GALNT2: variants seen among roughly 807,000 people sequenced by gnomAD.
GALNT2 encodes the protein polypeptide N-acetylgalactosaminyltransferase 2, also known as UDP-GalNAc:polypeptide N-acetylgalactosaminyltransferase 2.
GALNT2 carries 31 observed loss-of-function variants against 81.4 expected under a neutral mutation model. The ratio of observed to expected loss-of-function variants is 0.38; its 90% CI spans 0.29 to 0.51. The LOEUF is 0.51. Among genes scored for constraint, GALNT2 ranks in the 20% least tolerant of loss-of-function variants. The pLI, the probability that GALNT2 is intolerant of heterozygous loss-of-function variation, is 0.87. For missense variants in GALNT2, 629 were observed against 765.7 expected, an observed-to-expected ratio of 0.82 and a Z score of 2.11; for synonymous variants, 303 against 287.4, an observed-to-expected ratio of 1.05 and a Z score of -0.55.
rs370275711 is a variant in GALNT2, at chr1:230,274,538, G to A, written c.1534G>A (p.Gly512Ser). ...ACCGGGCTCTCTTATAAAGCTGCAG[G>A]GCTGCCGAGAAAATGACAGCAGACA... ...RAPGSLIKLQ[G>S]CRENDSRQKW... Residue 512 changes from glycine (G) to serine (S), a missense_variant, in exon 15 of 16, where the codon GGC (glycine) becomes AGC (serine). This residue lies in a region of GALNT2 where 207 missense variants were observed against 225.5 expected (regional missense o/e 0.92). Coordinates refer to ENST00000366672, the MANE Select transcript of GALNT2 (RefSeq NM_004481.5). The A allele has an allele frequency of 1.2e-5, 20 of 1,613,868 alleles. No individual in the cohort carries two copies. Among genetic ancestry groups the A allele is most frequent in the Non-Finnish European group, 1.7e-5 (20 of 1,179,926 alleles).
intron 3 of GALNT2, among the ~76,000 whole-genome samples, chr1:230,225,682 G>GTTTTGTTTTTTGTT (rs1558148786): frequency 1.7e-4 from 24 of 137,612 alleles, no homozygotes; most frequent in African/African-American, 6.9e-4. Context: ...GAGTTTTTTT[G>GTTTTGTTTTTTGTT]TTTTTTTTTT....
rs117108438 is a variant in GALNT2 at position 230,161,479 on chromosome 1, A to G, written c.127-16739A>G. The stretch of plus-strand genomic sequence containing the variant: ...CTGTCTGTGCAGACGTGGCAAAGAA[A>G]TATGGCCACTTCCAATCCACTGCAG... On this transcript the variant is annotated intron_variant, in intron 1 of 15. Transcript: ENST00000366672. Among the ~76,000 whole-genome samples the G allele has an allele frequency of 6.6e-5, 10 of 152,360 alleles. No homozygotes were observed. In the East Asian group the frequency reaches 1.7e-3, roughly 26 times the overall value.
At chr1:230,181,645 C>T (rs1006334739) in intron 2 of GALNT2, among the ~76,000 whole-genome samples, 2 of 152,070 alleles carry the variant, frequency 1.3e-5, no homozygotes, top group African/African-American at 4.8e-5. Flanking sequence ...TGCCTCAGCC[C>T]TCCCAAAGCG....
At chr1:230,245,578 T>C (rs1238168115) in intron 7 of GALNT2, among the ~76,000 whole-genome samples, 2 of 152,208 alleles carry the variant, frequency 1.3e-5, no homozygotes, top group Non-Finnish European at 2.9e-5. Context: ...ATATTGATAC[T>C]TACCACATCT....
At chr1:230,246,184 G>C in intron 8 of GALNT2, 34 bp downstream of exon 8, 1 of 1,486,844 alleles carries the variant, frequency 6.7e-7, no homozygotes, top group East Asian at 2.3e-5. Context: ...TGCCTAGCTC[G>C]TCCCGTCTAC....
At chr1:230,222,798 G>A (rs1664589913) in intron 3 of GALNT2, among the ~76,000 whole-genome samples, 1 of 152,112 alleles carries the variant, frequency 6.6e-6, no homozygotes, top group African/African-American at 2.4e-5. Flanking sequence ...AATTCTCACA[G>A]CAACCCTATG....
At chr1:230,266,313 G>T (rs991561009) in intron 14 of GALNT2, among the ~76,000 whole-genome samples, 8 of 152,084 alleles carry the variant, frequency 5.3e-5, no homozygotes, top group African/African-American at 1.7e-4. Context: ...TCTAAAAACA[G>T]TTTTCCCATG....
chr1:230,106,281 C>G (rs1284579696), intron 1 of GALNT2, among the ~76,000 whole-genome samples: 4 of 152,140 alleles, frequency 2.6e-5, no homozygotes, highest in Non-Finnish European at 5.9e-5. Context: ...ATGCAATTGC[C>G]TAAAGATTTC....
intron 1 of GALNT2, among the ~76,000 whole-genome samples, chr1:230,123,728 A>G (rs763603707): frequency 2.9e-4 from 44 of 152,224 alleles, no homozygotes; most frequent in Admixed American, 2.2e-3. Context: ...AGAAGGCAAC[A>G]GGTGTACTTA....
chr1:230,178,208 G>A lies in GALNT2; in HGVS notation c.127-10G>A. The A allele has an allele frequency of 6.2e-7, 1 of 1,606,596 alleles. No individual in the cohort carries two copies. The highest frequency in any genetic ancestry group is 1.1e-5 in the South Asian group (1 of 90,832). On this transcript the variant is annotated splice_polypyrimidine_tract_variant and intron_variant, in intron 1 of 15. Transcript: ENST00000366672. ...ACAAGTCAACTCATTCAGTGTCTTTGTTCCCCTAGGAGGACTGGAATGAAA... is the reference window on the plus strand; with the variant it reads ...ACAAGTCAACTCATTCAGTGTCTTTATTCCCCTAGGAGGACTGGAATGAAA...
chr1:230,277,183 C>A (rs370177499), intron 15 of GALNT2, among the ~76,000 whole-genome samples: 1 of 152,058 alleles, frequency 6.6e-6, no homozygotes, highest in Non-Finnish European at 1.5e-5. Flanking sequence ...AGGTTTTAAA[C>A]CCCAAGACTC....
Position 230,279,270 on chromosome 1 carries a change from C to T in GALNT2, c.1561-33C>T. 1 of 1,595,314 alleles carries T rather than the reference C, an allele frequency of 6.3e-7. No individual in the cohort carries two copies. The highest frequency in any genetic ancestry group is 1.1e-5 in the South Asian group (1 of 89,338). ...TCTGTTTGTACTCCTTTGCTTGTGC[C>T]CACACTCTAAGGCACTCTCCTGTGT... On this transcript the variant is annotated intron_variant, in intron 15 of 15. Transcript: ENST00000366672. The surrounding 1 kb of genome is among the most constrained non-coding windows in gnomAD (Gnocchi z 4.6).
At chr1:230,073,018 G>A (rs946111501) in intron 1 of GALNT2, among the ~76,000 whole-genome samples, 1 of 152,170 alleles carries the variant, frequency 6.6e-6, no homozygotes, top group Admixed American at 6.5e-5. Context: ...TAATCTTGTG[G>A]CCTTGCCTCT....
intron 1 of GALNT2, among the ~76,000 whole-genome samples, chr1:230,132,539 G>C (rs1383837882): frequency 6.6e-6 from 1 of 152,188 alleles, no homozygotes. Flanking sequence ...AGGCCTTGCT[G>C]AGAATGTGAG....
chr1:230,092,578 A>G (rs1365841424), intron 1 of GALNT2, among the ~76,000 whole-genome samples: 3 of 152,024 alleles, frequency 2.0e-5, no homozygotes, highest in Non-Finnish European at 4.4e-5. Flanking sequence ...TCCTGACCTC[A>G]GGTGATCTGC....
At chr1:230,237,614 C>T (rs548580750) in intron 6 of GALNT2, among the ~76,000 whole-genome samples, 1 of 152,210 alleles carries the variant, frequency 6.6e-6, no homozygotes, top group East Asian at 1.9e-4. Context: ...GTTAGAACAG[C>T]ATCATATTTT....
At position 230,255,244 on chromosome 1, in the gene GALNT2, G is replaced by T; in HGVS notation, c.1036G>T (p.Gly346Cys). ...GATCTCGTTCCGCGTGTGGCAGTGT[G>T]GTGGCAGCCTGGAGATCATCCCGTG... is the stretch of plus-strand genomic sequence containing the variant. ...LEISFRVWQC[G>C]GSLEIIPCSR... Residue 346 changes from glycine to cysteine, a missense_variant, in exon 11 of 16, where the codon GGT (glycine) becomes TGT (cysteine). Transcript: ENST00000366672. 1 of 1,614,238 alleles carries T rather than the reference G, an allele frequency of 6.2e-7. No individual in the cohort carries two copies.
chr1:230,184,191 CTT>C (rs112931942), intron 2 of GALNT2, among the ~76,000 whole-genome samples: 58 of 139,082 alleles, frequency 4.2e-4, no homozygotes, highest in African/African-American at 4.8e-4. Context: ...GAAGATCAAT[CTT>C]TTTTTTTTTT....
At chr1:230,141,938 C>T (rs1661754490) in intron 1 of GALNT2, among the ~76,000 whole-genome samples, 1 of 151,964 alleles carries the variant, frequency 6.6e-6, no homozygotes, top group African/African-American at 2.4e-5. Context: ...AAGTGCTTAC[C>T]ACCATGCCAG....
Sources: allele counts gnomAD v4.1 joint callset (sites outside exome capture counted in the v4.1 genomes callset), GRCh38; gene constraint gnomAD v4.1.1; regional missense constraint gnomAD v4.1.1; non-coding constraint Gnocchi (gnomAD v3.1); transcripts MANE v1.5; gene names NCBI Gene and HGNC (gene_info 2026-07-23, HGNC 2026-07-21).